Variants in CLTA observed in about 807,000 individuals in gnomAD.
CLTA encodes the protein clathrin light chain A.
Under a neutral mutation model 26.9 loss-of-function variants are expected in CLTA, and 9 were observed. The observed-to-expected ratio is 0.33, with a 90% CI of 0.20 to 0.58. The LOEUF (loss-of-function observed/expected upper bound fraction) is 0.58. Ranked by LOEUF, CLTA falls within the 20% of genes least tolerant of loss-of-function variation. CLTA has a pLI of 0.85. For synonymous variants in CLTA, 120 were observed against 115.5 expected (o/e 1.04, Z -0.25); for missense variants, 278 against 294.2 (o/e 0.94, Z 0.40).
At chr9:36,209,575 T>C (rs1463209203) in intron 4 of CLTA, among the ~76,000 whole-genome samples, 2 of 152,134 alleles carry the variant, frequency 1.3e-5, no homozygotes, top group East Asian at 3.9e-4. Context: ...GCTTTCAAAA[T>C]GTGTCATTTG....
chr9:36,205,134 T>C (rs1176747752), intron 4 of CLTA, among the ~76,000 whole-genome samples: 1 of 152,222 alleles, frequency 6.6e-6, no homozygotes, highest in African/African-American at 2.4e-5. Flanking sequence ...GGGTCCAGTA[T>C]GACAGAGCAG....
intron 4 of CLTA, among the ~76,000 whole-genome samples, chr9:36,206,826 C>A (rs1360859187): frequency 6.6e-6 from 1 of 151,992 alleles, no homozygotes; most frequent in African/African-American, 2.4e-5. Flanking sequence ...ACCCGGGAGG[C>A]AGAGGTTGCA....
Position 36,204,147 on chromosome 9 carries a change from C to A in CLTA, c.453C>A (p.Asp151Glu). ...TAGAAGAATGGTATGCAAGACAGGACGAGCAGCTACAGAAAACAAAAGCAA... is the reference window on the plus strand; with the variant it reads ...TAGAAGAATGGTATGCAAGACAGGAAGAGCAGCTACAGAAAACAAAAGCAA... ...KELEEWYARQDEQLQKTKANN... is the reference protein window; with the variant it reads ...KELEEWYARQEEQLQKTKANN... The change falls in exon 4 of 5, where the codon GAC becomes GAA. Residue 151 changes from aspartate (D) to glutamate (E), a missense_variant. By Grantham distance (45) the Asp-to-Glu change is conservative. Coordinates refer to ENST00000345519, the MANE Select transcript of CLTA (RefSeq NM_001833.4). The A allele has an allele frequency of 6.2e-7, 1 of 1,614,064 alleles. No homozygotes were observed. The highest frequency in any genetic ancestry group is 8.5e-7 in the Non-Finnish European group (1 of 1,179,956).
intron 4 of CLTA, among the ~76,000 whole-genome samples, chr9:36,211,005 C>T (rs1296303898): frequency 6.6e-6 from 1 of 152,220 alleles, no homozygotes; most frequent in Non-Finnish European, 1.5e-5. Flanking sequence ...GGCCCCAAGG[C>T]ACCTGGCTGG....
At chr9:36,196,273 ACT>A (rs1827025469) in intron 1 of CLTA, among the ~76,000 whole-genome samples, 2 of 138,814 alleles carry the variant, frequency 1.4e-5, no homozygotes, top group Admixed American at 7.0e-5. Flanking sequence ...ACAGAGCAAG[ACT>A]CTCTCTCAAA....
chr9:36,198,824 G>T (rs1370563695), intron 2 of CLTA, among the ~76,000 whole-genome samples, 155 bp from the exon 3 acceptor site: 1 of 147,720 alleles, frequency 6.8e-6, no homozygotes, highest in Non-Finnish European at 1.5e-5. Flanking sequence ...AGTGAGCCGA[G>T]ATCGTGCCAC....
At chr9:36,196,939 C>G (rs143207480) in intron 1 of CLTA, among the ~76,000 whole-genome samples, 1,790 of 152,162 alleles carry the variant, frequency 0.012, 33 homozygotes, top group African/African-American at 0.039. Context: ...TTTGGGAGAC[C>G]GAGGCGGGTG....
intron 4 of CLTA, among the ~76,000 whole-genome samples, chr9:36,206,223 C>T (rs938722407): frequency 6.6e-6 from 1 of 152,184 alleles, no homozygotes; most frequent in Admixed American, 6.5e-5. Context: ...CCACTGCTCA[C>T]TGAGAATGTA....
intron 1 of CLTA, 59 bp downstream of exon 1, chr9:36,191,332 G>T (rs1826703208): frequency 6.9e-7 from 1 of 1,444,476 alleles, no homozygotes; most frequent in Non-Finnish European, 9.0e-7. Flanking sequence ...GTCCACAGTG[G>T]GTCCGAGAGC....
At chr9:36,198,874 C>CAAAAAAAA in intron 2 of CLTA, 105 bp from the exon 3 acceptor site, 1 of 450,168 alleles carries the variant, frequency 2.2e-6, no homozygotes, top group Non-Finnish European at 3.9e-6. Flanking sequence ...AACTCTGTCT[C>CAAAAAAAA]AAAAAAAAAA....
intron 1 of CLTA, among the ~76,000 whole-genome samples, chr9:36,196,690 G>T (rs34020166): frequency 1.4e-4 from 21 of 152,156 alleles, no homozygotes; most frequent in African/African-American, 5.1e-4. Context: ...TTACAGAGGC[G>T]AAATTGAATA....
intron 3 of CLTA, among the ~76,000 whole-genome samples, chr9:36,201,427 C>T (rs1233960687): frequency 2.0e-5 from 3 of 152,200 alleles, no homozygotes; most frequent in African/African-American, 7.2e-5. Context: ...TCTTCCTCTT[C>T]ATCCTCTGAG....
At chr9:36,210,170 C>G (rs1827961106) in intron 4 of CLTA, among the ~76,000 whole-genome samples, 1 of 149,776 alleles carries the variant, frequency 6.7e-6, no homozygotes, top group Admixed American at 6.7e-5. Context: ...GGAAACAGTT[C>G]TCATTGTCTC....
At position 36,211,944 on chromosome 9, in the gene CLTA, T is replaced by C; in HGVS notation, c.*170T>C. The C allele has an allele frequency of 1.4e-6, 1 of 719,724 alleles. No homozygotes were observed. The highest frequency in any genetic ancestry group is 2.4e-6 in the Non-Finnish European group (1 of 414,366). 44.6% of individuals were successfully genotyped at this position (719,724 alleles called of 1,614,324 possible). ...TTCCTTCCTTCAACTGTGTTCTCCC[T>C]GGCATTCAGAGAGGAGGGAGAGGAG... On this transcript the variant is annotated 3_prime_UTR_variant, in exon 5 of 5. Coordinates refer to ENST00000345519, the MANE Select transcript of CLTA (RefSeq NM_001833.4).
chr9:36,208,412 A>G (rs917665112), intron 4 of CLTA, among the ~76,000 whole-genome samples: 8 of 152,206 alleles, frequency 5.3e-5, no homozygotes, highest in Admixed American at 3.3e-4. Flanking sequence ...ATCAAAGCCA[A>G]TTGAGTCTGG....
intron 3 of CLTA, among the ~76,000 whole-genome samples, chr9:36,201,166 TACA>T (rs1827379173): frequency 6.6e-6 from 1 of 152,342 alleles, no homozygotes; most frequent in South Asian, 2.1e-4. Context: ...TTGAGAGAAG[TACA>T]ACATTTGGCC....
chr9:36,203,077 C>T (rs1355967302), intron 3 of CLTA, among the ~76,000 whole-genome samples: 1 of 152,118 alleles, frequency 6.6e-6, no homozygotes, highest in Non-Finnish European at 1.5e-5. Flanking sequence ...AGATGATCCA[C>T]CTGCCTCGGC....
At chr9:36,191,956 A>C (rs1264722204) in intron 1 of CLTA, among the ~76,000 whole-genome samples, 1 of 152,214 alleles carries the variant, frequency 6.6e-6, no homozygotes, top group Non-Finnish European at 1.5e-5. Flanking sequence ...ACCCAAGATT[A>C]GCCTAAACCA....
chr9:36,203,148 A>C (rs747275314), intron 3 of CLTA, among the ~76,000 whole-genome samples: 1 of 151,982 alleles, frequency 6.6e-6, no homozygotes, highest in African/African-American at 2.4e-5. Context: ...GTATTTCTTT[A>C]TCTCTCACTA....
Sources: gnomAD v4.1 joint callset for allele counts (sites outside exome capture counted in the v4.1 genomes callset) on GRCh38, gnomAD v4.1.1 for gene constraint, MANE v1.5 for transcripts, NCBI Gene and HGNC (gene_info 2026-07-23, HGNC 2026-07-21) for gene names.